Variants in CFAP92 observed in about 807,000 individuals in gnomAD.
CFAP92 encodes the protein cilia and flagella associated protein 92 (putative), also known as uncharacterized protein CFAP92.
A neutral mutation model predicts 106.3 loss-of-function variants in CFAP92; 86 were observed. The ratio of observed to expected loss-of-function variants is 0.81; its 90% confidence interval spans 0.68 to 0.97. The LOEUF (loss-of-function observed/expected upper bound fraction) is 0.97, where lower values mean the gene tolerates loss of function less well. Among genes scored for constraint, CFAP92 ranks in the 50% least tolerant of loss-of-function variants. The probability of loss-of-function intolerance (pLI) is 0.00; values close to 1 mark genes in which losing one functional copy is unlikely to be tolerated. For synonymous variants in CFAP92, 477 were observed against 506.4 expected (o/e 0.94, Z 0.78); for missense variants, 1,204 against 1,283.8 (o/e 0.94, Z 0.95).
At chr3:128,974,832 G>A (rs1399225445) in intron 7 of CFAP92, among the ~76,000 whole-genome samples, 1 of 145,768 alleles carries the variant, frequency 6.9e-6, no homozygotes, top group African/African-American at 2.6e-5. Context: ...GAAAAAAAAA[G>A]AAGAGAAGGC....
intron 12 of CFAP92, among the ~76,000 whole-genome samples, chr3:128,923,544 T>C (rs1212043243): frequency 3.9e-5 from 6 of 152,200 alleles, no homozygotes; most frequent in Non-Finnish European, 7.4e-5. Context: ...ACCTTCATCC[T>C]TCTGCAGCCC....
chr3:128,945,066 C>T lies in CFAP92; in HGVS notation c.2258+5G>A, dbSNP rs531511442. On this transcript the variant is annotated splice_donor_5th_base_variant and intron_variant, in intron 10 of 15. Transcript: ENST00000645291. ...TTTATGTAAAATGTAAAACAAACCA[C>T]CTACCAGCTTTGGTGGTTCTCCCAC... is the stretch of plus-strand genomic sequence containing the variant. 10 of 1,507,984 alleles carry T rather than the reference C, an allele frequency of 6.6e-6. No individual in the cohort carries two copies. The highest frequency in any genetic ancestry group is 1.4e-5 in the African/African-American group (1 of 72,198). The allele number at this position is 1,507,984 out of a possible 1,614,324, so 93.4% of individuals were successfully genotyped here. A position where few individuals can be genotyped will look rare whatever the true frequency, so the allele number is the denominator to read the frequency against.
In CFAP92 at chr3:128,915,191, C is replaced by T. The variant is rs1310410191; in HGVS notation, c.3208G>A (p.Asp1070Asn). ...GGTGGTTTCTTGTACAGATCAAAGTCCACGTGGTGCCTGTCCCAGCTCCAC... is the reference window on the plus strand; with the variant it reads ...GGTGGTTTCTTGTACAGATCAAAGTTCACGTGGTGCCTGTCCCAGCTCCAC... ...DRWSWDRHHVDFDLYKKPPPF... is the reference protein window; with the variant it reads ...DRWSWDRHHVNFDLYKKPPPF... The change falls in exon 15 of 16, where the codon GAC (aspartate) becomes AAC (asparagine). Residue 1070 changes from aspartate (D) to asparagine (N), a missense_variant. Asp to Asn is a conservative substitution (Grantham distance 23). Transcript: ENST00000645291. 1 of 1,536,110 alleles carries T rather than the reference C, an allele frequency of 6.5e-7. No homozygotes were observed. The highest frequency in any genetic ancestry group is 8.7e-7 in the Non-Finnish European group (1 of 1,146,924).
At position 128,910,232 on chromosome 3, in the gene CFAP92, G is replaced by T. The variant is rs879482145; in HGVS notation, c.*67C>A. 3.2e-5 allele frequency: 51 copies of T among 1,592,182 alleles called. No homozygotes were observed. The highest frequency in any genetic ancestry group is 4.0e-5 in the Non-Finnish European group (47 of 1,171,676). On this transcript the variant is annotated 3_prime_UTR_variant, in exon 16 of 16. Coordinates refer to ENST00000645291, the MANE Select transcript of CFAP92 (RefSeq NM_001394090.1). ...TTAATGAAGTTGATTGTTGAGGAGG[G>T]TGTGGTCGGGTGTGGGGGAGGCTGT... is the stretch of plus-strand genomic sequence containing the variant.
At chr3:128,950,870 T>G (rs967242712) in intron 9 of CFAP92, among the ~76,000 whole-genome samples, 1 of 152,170 alleles carries the variant, frequency 6.6e-6, no homozygotes, top group Non-Finnish European at 1.5e-5. Flanking sequence ...CAAACGATAC[T>G]GTTTGCAAAA....
chr3:129,002,077 G>A (rs1944802962), intron 1 of CFAP92: 1 of 1,532,878 alleles, frequency 6.5e-7, no homozygotes, highest in East Asian at 2.6e-5. Context: ...GCGCGCCTCT[G>A]TGGCTACTTC....
intron 8 of CFAP92, chr3:128,970,228 C>G (rs1942684810): frequency 6.6e-6 from 1 of 150,956 alleles, no homozygotes; most frequent in African/African-American, 2.5e-5. Flanking sequence ...GGTGAGAGAG[C>G]AAGACCCTAT....
chr3:128,981,932 G>A (rs927074291), intron 4 of CFAP92, among the ~76,000 whole-genome samples: 6 of 152,218 alleles, frequency 3.9e-5, no homozygotes. Flanking sequence ...ATAAACAGAT[G>A]TGCTGTCATC....
intron 12 of CFAP92, among the ~76,000 whole-genome samples, chr3:128,923,717 A>G (rs1937490963): frequency 6.6e-6 from 1 of 152,246 alleles, no homozygotes; most frequent in Non-Finnish European, 1.5e-5. Context: ...AATTAATTTA[A>G]AAACAGAAAG....
At chr3:128,975,733 C>T in intron 7 of CFAP92, 46 bp downstream of exon 7, 1 of 1,374,222 alleles carries the variant, frequency 7.3e-7, no homozygotes, top group East Asian at 2.5e-5. Flanking sequence ...ATAATTATTC[C>T]AAGTCTAGTT....
chr3:128,932,921 T>C lies in CFAP92; in HGVS notation c.2530A>G (p.Ile844Val). ...CCAAACTCTTGGCTCAAGTCTTTTA[T>C]CATAGCAGAGGAGGGCAGCAGGTCC... ...VRDLLPSSAM[I>V]KDLSQEFGMP... The change falls in exon 12 of 16, where the codon ATA becomes GTA. Residue 844 changes from isoleucine (I) to valine (V), a missense_variant. Physicochemically the swap from Ile to Val is conservative, Grantham distance 29. Coordinates refer to ENST00000645291, the MANE Select transcript of CFAP92 (RefSeq NM_001394090.1). The C allele has an allele frequency of 6.5e-7, 1 of 1,536,164 alleles. No homozygotes were observed. Among genetic ancestry groups the C allele is most frequent in the Non-Finnish European group, 8.7e-7 (1 of 1,146,912 alleles).
At chr3:128,962,276 C>T (rs980372159) in intron 9 of CFAP92, among the ~76,000 whole-genome samples, 51 of 152,164 alleles carry the variant, frequency 3.4e-4, no homozygotes, top group Middle Eastern at 3.2e-3. Context: ...TTAAGCAATA[C>T]GGAGGCTACC....
rs1359996010 is a variant in CFAP92, at chr3:128,971,143, G to T, written c.1168+144C>A. On this transcript the variant is annotated intron_variant, in intron 8 of 15. Coordinates refer to ENST00000645291, the MANE Select transcript of CFAP92 (RefSeq NM_001394090.1). ...CCTTTGTTTCCCCCTGTACTATGAA[G>T]CCAATTCCCCTGAGTTTCCTGAGGT... 6 of 1,330,696 alleles carry T rather than the reference G, an allele frequency of 4.5e-6. No homozygotes were observed. The Admixed American group carries it at 8.2e-5, about 18-fold the overall frequency. The allele number at this position is 1,330,696 out of a possible 1,614,324, so 82.4% of individuals were successfully genotyped here.
At chr3:128,921,177 G>C (rs1332300332) in intron 12 of CFAP92, among the ~76,000 whole-genome samples, 3 of 152,124 alleles carry the variant, frequency 2.0e-5, no homozygotes, top group Admixed American at 2.0e-4. Context: ...GCCTGGAGTT[G>C]GGTCTGATCA....
rs936533066 is a variant in CFAP92, at chr3:128,933,409, T to C, written c.2454-412A>G. Among the ~76,000 whole-genome samples the C allele has an allele frequency of 5.3e-5, 8 of 152,196 alleles. No homozygotes were observed. In the South Asian group the frequency reaches 1.7e-3, roughly 32 times the overall value. On this transcript the variant is annotated intron_variant, in intron 11 of 15. Coordinates refer to ENST00000645291, the MANE Select transcript of CFAP92 (RefSeq NM_001394090.1). Reference sequence around the variant, plus strand: ...TGTTAATAGAGGAGAAGGAGGAGGCTGGAGAGAGAGTCCTCAGCAAAGCTC... The same window carrying C: ...TGTTAATAGAGGAGAAGGAGGAGGCCGGAGAGAGAGTCCTCAGCAAAGCTC...
Position 128,951,576 on chromosome 3 carries a change from T to A in CFAP92, c.1354-5601A>T, listed in dbSNP as rs377535851. Reference sequence around the variant, plus strand: ...TTAGGGAACATGGGATCCTGGGTCTTCTATTTGCCTCATATATTCCGGACT... The same window carrying A: ...TTAGGGAACATGGGATCCTGGGTCTACTATTTGCCTCATATATTCCGGACT... On this transcript the variant is annotated intron_variant, in intron 9 of 15. Coordinates refer to ENST00000645291, the MANE Select transcript of CFAP92 (RefSeq NM_001394090.1). 1.3e-4 allele frequency among the ~76,000 whole-genome samples: 20 copies of A among 152,254 alleles called. 1 individual carries two copies. The highest frequency in any genetic ancestry group is 4.6e-4 in the Admixed American group (7 of 15,296).
chr3:128,924,733 C>T lies in CFAP92; in HGVS notation c.2751+7967G>A, dbSNP rs183987233. Among the ~76,000 whole-genome samples, 8 of 152,228 alleles carry T rather than the reference C, an allele frequency of 5.3e-5. No homozygotes were observed. The East Asian group carries it at 1.5e-3, about 29-fold the overall frequency. On this transcript the variant is annotated intron_variant, in intron 12 of 15. Transcript: ENST00000645291. ...AAGTGCTGGGATTATAGGCGTGAGC[C>T]ACCACGCCCGACCGATTGTATCTTA...
the CFAP92 span, among the ~76,000 whole-genome samples, chr3:129,017,701 T>C: frequency 6.6e-6 from 1 of 152,076 alleles, no homozygotes. Flanking sequence ...CCCAGAAAGC[T>C]ATCTGCATTT....
In CFAP92 at chr3:128,937,279, A is replaced by AC. The variant is rs1265966881; in HGVS notation, c.2259-1961dup. Among the ~76,000 whole-genome samples the AC allele has an allele frequency of 7.0e-5, 10 of 142,194 alleles. No homozygotes were observed. In the East Asian group the frequency reaches 2.1e-3, roughly 30 times the overall value. 93.3% of individuals were successfully genotyped at this position (142,194 alleles called of 152,430 possible). A position where few individuals can be genotyped will look rare whatever the true frequency, so the allele number is the denominator to read the frequency against. On this transcript the variant is annotated intron_variant, in intron 10 of 15. Coordinates refer to ENST00000645291, the MANE Select transcript of CFAP92 (RefSeq NM_001394090.1). The stretch of plus-strand genomic sequence containing the variant: ...TACCGCTGCAGTGAGCCTTTGTACC[A>AC]CTCAGCCTGGGTGACAGAGATAGAC...
Sources: gnomAD v4.1 joint callset for allele counts (sites outside exome capture counted in the v4.1 genomes callset) on GRCh38, gnomAD v4.1.1 for gene constraint, MANE v1.5 for transcripts, NCBI Gene and HGNC (gene_info 2026-07-23, HGNC 2026-07-21) for gene names.